The following SLC30A6 variants were observed in gnomAD, a reference collection of about 807,000 sequenced individuals.
SLC30A6 encodes the protein solute carrier family 30 member 6, also known as zinc transporter 6.
In SLC30A6, 55 loss-of-function variants were observed where a neutral mutation model predicts 63.0. The observed-to-expected ratio is 0.87, with a 90% confidence interval of 0.70 to 1.09. The LOEUF is 1.09. Among genes scored for constraint, SLC30A6 ranks in the 50% least tolerant of loss-of-function variants. The pLI is 0.00. For synonymous variants in SLC30A6, 224 were observed against 186.1 expected (o/e 1.20, Z -1.66); for missense variants, 587 against 549.2 (o/e 1.07, Z -0.69).
intron 12 of SLC30A6, 75 bp downstream of exon 12, chr2:32,207,008 A>G: frequency 1.7e-6 from 2 of 1,188,522 alleles, no homozygotes; most frequent in Non-Finnish European, 2.5e-6. Context: ...TTAATACTTT[A>G]TTCAACTCTA....
At chr2:32,206,029 T>G (rs1462548153) in intron 11 of SLC30A6, among the ~76,000 whole-genome samples, 1 of 152,174 alleles carries the variant, frequency 6.6e-6, no homozygotes, top group Non-Finnish European at 1.5e-5. Context: ...TTGTGTAATC[T>G]GCTTATGACT....
chr2:32,189,281 C>CTTTTTTTTTTTTTT (rs61221362), intron 5 of SLC30A6, among the ~76,000 whole-genome samples: 1 of 114,848 alleles, frequency 8.7e-6, no homozygotes, highest in African/African-American at 3.2e-5. Flanking sequence ...TTGATACTGT[C>CTTTTTTTTTTTTTT]TTTTTTTTTT....
chr2:32,210,043 C>T (rs1685116055), intron 13 of SLC30A6, among the ~76,000 whole-genome samples: 2 of 152,220 alleles, frequency 1.3e-5, no homozygotes, highest in South Asian at 4.1e-4. Context: ...CATAAAATTT[C>T]GTATTTTCTA....
At chr2:32,203,109 G>A (rs1342045249) in intron 10 of SLC30A6, 1 of 1,309,610 alleles carries the variant, frequency 7.6e-7, no homozygotes, top group Admixed American at 1.7e-5. Context: ...CTTCAGAGAA[G>A]GTAGTTTTAA....
chr2:32,201,682 A>G, intron 10 of SLC30A6: 1 of 1,478,678 alleles, frequency 6.8e-7, no homozygotes, highest in South Asian at 1.2e-5. Flanking sequence ...AAGGAGAGGC[A>G]GAAGAGCTTT....
chr2:32,208,351 G>A (rs1404633364), intron 12 of SLC30A6, among the ~76,000 whole-genome samples: 5 of 151,140 alleles, frequency 3.3e-5, no homozygotes, highest in African/African-American at 4.9e-5. Context: ...GGCTGGTCTC[G>A]AACTCCTGAC....
At chr2:32,167,322 G>A (rs1323079663) in intron 1 of SLC30A6, among the ~76,000 whole-genome samples, 1 of 145,784 alleles carries the variant, frequency 6.9e-6, no homozygotes, top group Admixed American at 6.9e-5. Context: ...TGATCCTCCC[G>A]CCTCTGCCTC....
intron 10 of SLC30A6, 46 bp from the exon 11 acceptor site, chr2:32,204,544 C>A: frequency 1.6e-6 from 2 of 1,266,722 alleles, no homozygotes; most frequent in Non-Finnish European, 2.3e-6. Context: ...TGTAATATGC[C>A]CAGTGAGATA....
chr2:32,210,807 A>C (rs747973258), intron 13 of SLC30A6, among the ~76,000 whole-genome samples: 7 of 152,098 alleles, frequency 4.6e-5, no homozygotes, highest in African/African-American at 1.7e-4. Context: ...ACCTTCCCCA[A>C]CTCTTTCCCT....
At chr2:32,206,488 T>C (rs1214512879) in intron 11 of SLC30A6, among the ~76,000 whole-genome samples, 2 of 151,398 alleles carry the variant, frequency 1.3e-5, no homozygotes, top group African/African-American at 4.9e-5. Context: ...GTGTAAGCAC[T>C]GTGGTTCCTT....
Position 32,203,621 on chromosome 2 carries a change from T to G in SLC30A6, c.666-969T>G, listed in dbSNP as rs1684485669. ...GATGTCAGCTGTGCTTGGAAAGAAC[T>G]TAACAGAAAGCTGAGTAGTAATGCA... On this transcript the variant is annotated intron_variant, in intron 10 of 13. Transcript: ENST00000282587. The G allele has an allele frequency of 3.2e-6, 5 of 1,584,682 alleles. No homozygotes were observed. In the Admixed American group the frequency reaches 8.3e-5, roughly 26 times the overall value.
chr2:32,192,516 TA>T, intron 6 of SLC30A6, 100 bp downstream of exon 6: 1 of 975,458 alleles, frequency 1.0e-6, no homozygotes, highest in East Asian at 2.5e-5. Flanking sequence ...TATGAAAACT[TA>T]GATGAGCAGG....
intron 13 of SLC30A6, among the ~76,000 whole-genome samples, chr2:32,217,314 T>A (rs922537143): frequency 2.0e-5 from 3 of 152,242 alleles, no homozygotes; most frequent in African/African-American, 7.2e-5. Flanking sequence ...GTACCATTTA[T>A]TGAATAGGTA....
chr2:32,174,108 G>A lies in SLC30A6; in HGVS notation c.136G>A (p.Gly46Ser). 6.2e-7 allele frequency: 1 copy of A among 1,613,620 alleles called. No individual in the cohort carries two copies. The highest frequency in any genetic ancestry group is 8.5e-7 in the Non-Finnish European group (1 of 1,179,780). ...TGGTGTAATAAACTTGATATGTACT[G>A]GCTTCCTGCTTATGTGGTGCAGTTC... ...LFGVINLICT[G>S]FLLMWCSSTN... The change falls in exon 3 of 14, where the codon GGC becomes AGC. Residue 46 changes from glycine to serine, a missense_variant. Gly to Ser is a moderately conservative substitution (Grantham distance 56). Coordinates refer to ENST00000282587, the MANE Select transcript of SLC30A6 (RefSeq NM_017964.5).
chr2:32,215,518 T>TATATATATATATA (rs66665816), intron 13 of SLC30A6, among the ~76,000 whole-genome samples: 2 of 93,272 alleles, frequency 2.1e-5, no homozygotes, highest in African/African-American at 9.7e-5. Context: ...ATATATATAT[T>TATATATATATATA]TTTTTTTTTT....
rs773952082 is a variant in SLC30A6 at position 32,197,768 on chromosome 2, T to C, written c.607T>C (p.Leu203=). The C allele has an allele frequency of 1.4e-5, 22 of 1,614,036 alleles. No individual in the cohort carries two copies. The highest frequency in any genetic ancestry group is 1.7e-5 in the Non-Finnish European group (20 of 1,180,008). The change falls in exon 10 of 14, where the codon TTG becomes CTG. Residue 203 remains leucine, a synonymous_variant. Coordinates refer to ENST00000282587, the MANE Select transcript of SLC30A6 (RefSeq NM_017964.5). ...IFLPRMNPFV[L]IDLAGAFALC... ...CCTTCCCCGAATGAATCCATTTGTT[T>C]TGATTGATCTTGCTGGAGCATTTGC...
rs182048223 is a variant in SLC30A6, at chr2:32,202,064, A to G, written c.666-2526A>G. The G allele has an allele frequency of 5.4e-3, 4,702 of 878,176 alleles. 36 individuals carry two copies. The highest frequency in any genetic ancestry group is 9.5e-3 in the Middle Eastern group (24 of 2,514). The allele number at this position is 878,176 out of a possible 1,614,324, so 54.4% of individuals were successfully genotyped here. A position where few individuals can be genotyped will look rare whatever the true frequency, so the allele number is the denominator to read the frequency against. ...GTATCATCCTTAGATAGTTCTACTCATGAATCAAGTGATAAGAAGCTAGAG... is the reference window on the plus strand; with the variant it reads ...GTATCATCCTTAGATAGTTCTACTCGTGAATCAAGTGATAAGAAGCTAGAG... On this transcript the variant is annotated intron_variant, in intron 10 of 13. Transcript: ENST00000282587.
intron 13 of SLC30A6, among the ~76,000 whole-genome samples, chr2:32,215,410 G>A (rs1685610360): frequency 6.6e-6 from 1 of 151,200 alleles, no homozygotes; most frequent in Non-Finnish European, 1.5e-5. Flanking sequence ...GTCCAGTCTG[G>A]TCTCAAACTC....
At chr2:32,173,691 C>A (rs1002012326) in intron 2 of SLC30A6, among the ~76,000 whole-genome samples, 1 of 152,154 alleles carries the variant, frequency 6.6e-6, no homozygotes, top group African/African-American at 2.4e-5. Flanking sequence ...GGAACATCAT[C>A]ATGCCCTTTA....
Sources: gnomAD v4.1 joint callset for allele counts (sites outside exome capture counted in the v4.1 genomes callset) on GRCh38, gnomAD v4.1.1 for gene constraint, MANE v1.5 for transcripts, NCBI Gene and HGNC (gene_info 2026-07-23, HGNC 2026-07-21) for gene names.